IL1RAPL2: variants seen among roughly 807,000 people sequenced by gnomAD.
IL1RAPL2 encodes the protein X-linked interleukin-1 receptor accessory protein-like 2.
Under a neutral mutation model 44.1 loss-of-function variants are expected in IL1RAPL2, and 3 were observed. That is an observed-to-expected ratio of 0.07 (90% confidence interval 0.03 to 0.18). The LOEUF is 0.18. Ranked by LOEUF, IL1RAPL2 falls within the 10% of genes least tolerant of loss-of-function variation. The pLI is 1.00. For synonymous variants in IL1RAPL2, 181 were observed against 178.8 expected, an observed-to-expected ratio of 1.01 and a Z score of -0.10; for missense variants, 391 against 496.4, an observed-to-expected ratio of 0.79 and a Z score of 2.02.
At position 104,866,017 on chromosome X, in the gene IL1RAPL2, C is replaced by A. The variant is rs911694224; in HGVS notation, c.82+207022C>A. Among the ~76,000 whole-genome samples the A allele has an allele frequency of 7.1e-5, 8 of 112,444 alleles. No individual in the cohort carries two copies. In the Admixed American group the frequency reaches 7.5e-4, roughly 11 times the overall value. On this transcript the variant is annotated intron_variant, in intron 2 of 10. Coordinates refer to ENST00000372582, the MANE Select transcript of IL1RAPL2 (RefSeq NM_017416.2). ...ACCCTGAGTAATATACATGTACTGGCAGTTGCTTTCCTTCTATAGTGACCA... is the reference window on the plus strand; with the variant it reads ...ACCCTGAGTAATATACATGTACTGGAAGTTGCTTTCCTTCTATAGTGACCA...
intron 4 of IL1RAPL2, among the ~76,000 whole-genome samples, chrX:105,245,312 A>G (rs999623416): frequency 1.8e-5 from 2 of 111,625 alleles, no homozygotes; most frequent in African/African-American, 6.5e-5. Context: ...GAAATATGCT[A>G]TGGTAGGCCT....
intron 5 of IL1RAPL2, among the ~76,000 whole-genome samples, chrX:105,387,647 A>G (rs1391102419): frequency 8.9e-6 from 1 of 111,900 alleles, no homozygotes; most frequent in East Asian, 2.8e-4. Context: ...AACATATAAA[A>G]TTGTACTGTA....
At chrX:104,610,262 G>A (rs2148004007) in intron 1 of IL1RAPL2, among the ~76,000 whole-genome samples, 1 of 110,877 alleles carries the variant, frequency 9.0e-6, no homozygotes, top group South Asian at 3.9e-4. Flanking sequence ...ATTCAACATA[G>A]TGTTGGAAGT....
rs3081204 is a variant in IL1RAPL2, at chrX:104,733,619, A to AAATAATAATAATAAT, written c.82+74638_82+74652dup. Among the ~76,000 whole-genome samples the AAATAATAATAATAAT allele has an allele frequency of 6.1e-3, 602 of 98,842 alleles. 1 individual carries two copies. The highest frequency in any genetic ancestry group is 9.8e-3 in the East Asian group (31 of 3,170). The allele number at this position is 98,842 out of a possible 115,157, so 85.8% of individuals were successfully genotyped here. A position where few individuals can be genotyped will look rare whatever the true frequency, so the allele number is the denominator to read the frequency against. On this transcript the variant is annotated intron_variant, in intron 2 of 10. Transcript: ENST00000372582. Reference sequence around the variant, plus strand: ...TGAGTGACAGCGAGACTCTGTCTCAAAATAATAATAATAATAATAATAATA... The same window carrying AAATAATAATAATAAT: ...TGAGTGACAGCGAGACTCTGTCTCAAAATAATAATAATAATAATAATAATAATAATAATAATAATA...
intron 5 of IL1RAPL2, among the ~76,000 whole-genome samples, chrX:105,353,412 G>A (rs971026868): frequency 9.0e-6 from 1 of 111,163 alleles, no homozygotes; most frequent in Non-Finnish European, 1.9e-5. Context: ...TTGGCAACGC[G>A]GGCTCTTTTT....
rs566807106 is a variant in IL1RAPL2 at position 104,729,311 on chromosome X, G to A, written c.82+70316G>A. 7.2e-5 allele frequency among the ~76,000 whole-genome samples: 8 copies of A among 110,515 alleles called. No homozygotes were observed. In the South Asian group the frequency reaches 3.1e-3, roughly 43 times the overall value. ...TTATAAAGCTTTAGAAGGCTAGTAG[G>A]GCTTGATCATCGTCCCAACTATTGG... is the stretch of plus-strand genomic sequence containing the variant. On this transcript the variant is annotated intron_variant, in intron 2 of 10. Coordinates refer to ENST00000372582, the MANE Select transcript of IL1RAPL2 (RefSeq NM_017416.2).
At chrX:105,393,016 C>G (rs745393160) in intron 5 of IL1RAPL2, among the ~76,000 whole-genome samples, 56 of 112,585 alleles carry the variant, frequency 5.0e-4, no homozygotes, top group African/African-American at 1.6e-3. Context: ...TTCTTTCTGC[C>G]TGCTGCACAG....
intron 6 of IL1RAPL2, among the ~76,000 whole-genome samples, chrX:105,617,773 T>C (rs905618051): frequency 9.0e-6 from 1 of 111,277 alleles, no homozygotes; most frequent in African/African-American, 3.3e-5. Flanking sequence ...TATATGTGAA[T>C]AATAAATGCA....
intron 2 of IL1RAPL2, among the ~76,000 whole-genome samples, chrX:105,014,797 T>G (rs750138553): frequency 4.5e-5 from 5 of 112,193 alleles, no homozygotes; most frequent in African/African-American, 1.6e-4. Flanking sequence ...GTCTTTATAG[T>G]AGAATGATTT....
At chrX:105,585,332 T>C (rs1184942988) in intron 6 of IL1RAPL2, among the ~76,000 whole-genome samples, 3 of 110,325 alleles carry the variant, frequency 2.7e-5, no homozygotes, top group Non-Finnish European at 5.7e-5. Context: ...GTTGTCAGAC[T>C]CAGTTGAGGG....
intron 6 of IL1RAPL2, among the ~76,000 whole-genome samples, chrX:105,560,206 C>T (rs920602655): frequency 5.4e-5 from 6 of 111,509 alleles, no homozygotes; most frequent in African/African-American, 2.0e-4. Flanking sequence ...AAGGTAACCT[C>T]CTCAAGGGTC....
intron 6 of IL1RAPL2, among the ~76,000 whole-genome samples, chrX:105,593,718 G>T (rs1292814777): frequency 2.7e-5 from 3 of 111,001 alleles, no homozygotes; most frequent in African/African-American, 9.9e-5. Context: ...GGGCTATGGG[G>T]TCTATCTTTG....
At chrX:105,453,533 T>G (rs1046806985) in intron 5 of IL1RAPL2, among the ~76,000 whole-genome samples, 13 of 110,554 alleles carry the variant, frequency 1.2e-4, no homozygotes, top group African/African-American at 4.5e-4. Context: ...CCAGTGATTT[T>G]GTATTTCCAA....
chrX:104,861,701 C>T (rs1299408839), intron 2 of IL1RAPL2, among the ~76,000 whole-genome samples: 1 of 111,315 alleles, frequency 9.0e-6, no homozygotes, highest in Non-Finnish European at 1.9e-5. Flanking sequence ...TGTAAAATTG[C>T]ATAGTATTTG....
intron 2 of IL1RAPL2, among the ~76,000 whole-genome samples, chrX:105,044,114 A>G (rs1336342108): frequency 9.0e-6 from 1 of 111,403 alleles, no homozygotes; most frequent in Non-Finnish European, 1.9e-5. Flanking sequence ...AAAGCCTGGA[A>G]CACTTATCAG....
intron 2 of IL1RAPL2, among the ~76,000 whole-genome samples, chrX:105,018,009 A>T (rs2031215664): frequency 9.0e-6 from 1 of 111,573 alleles, no homozygotes; most frequent in Admixed American, 9.5e-5. Context: ...TCTTGACCAA[A>T]AGTGGTTCCC....
intron 2 of IL1RAPL2, among the ~76,000 whole-genome samples, chrX:105,033,511 G>T (rs1287891012): frequency 5.4e-5 from 6 of 111,380 alleles, no homozygotes; most frequent in Admixed American, 9.6e-5. Flanking sequence ...ATGAAATTCT[G>T]GGTTGAAAAT....
chrX:105,005,648 C>A (rs1480401577), intron 2 of IL1RAPL2, among the ~76,000 whole-genome samples: 1 of 110,600 alleles, frequency 9.0e-6, no homozygotes, highest in Non-Finnish European at 1.9e-5. Flanking sequence ...GTTCCCTCTA[C>A]CTTTTTAGTT....
intron 2 of IL1RAPL2, among the ~76,000 whole-genome samples, chrX:104,904,038 A>T (rs577169799): frequency 9.0e-6 from 1 of 111,102 alleles, no homozygotes; most frequent in East Asian, 2.8e-4. Flanking sequence ...GTCCAAGGAG[A>T]GGAAGATTTT....
Sources: allele counts gnomAD v4.1 joint callset (sites outside exome capture counted in the v4.1 genomes callset), GRCh38; gene constraint gnomAD v4.1.1; transcripts MANE v1.5; gene names NCBI Gene and HGNC (gene_info 2026-07-23, HGNC 2026-07-21).